KLHL2: variants seen among roughly 807,000 people sequenced by gnomAD.
The protein encoded by KLHL2 is kelch like family member 2, also known as kelch-like protein 2.
In KLHL2, 15 loss-of-function variants were observed where a neutral mutation model predicts 75.8. That is an observed-to-expected ratio of 0.20 (90% CI 0.13 to 0.30). KLHL2 has a LOEUF of 0.30. KLHL2 is among the 10% of genes least tolerant of loss of function. The pLI, the probability that KLHL2 is intolerant of heterozygous loss-of-function variation, is 1.00. For missense variants in KLHL2, 381 were observed against 741.0 expected (o/e 0.51, Z 5.64); for synonymous variants, 214 against 251.9 (o/e 0.85, Z 1.42).
At chr4:165,222,170 C>T (rs536848584) in intron 2 of KLHL2, among the ~76,000 whole-genome samples, 21 of 152,210 alleles carry the variant, frequency 1.4e-4, no homozygotes, top group Admixed American at 1.4e-3. Flanking sequence ...GGTGAATGAC[C>T]TGAGTTTTGG....
intron 6 of KLHL2, among the ~76,000 whole-genome samples, 161 bp from the exon 7 acceptor site, chr4:165,297,448 T>C (rs1745001326): frequency 6.6e-6 from 1 of 152,148 alleles, no homozygotes; most frequent in African/African-American, 2.4e-5. Flanking sequence ...TGAATGGCTT[T>C]GTAAGTACAT....
At chr4:165,247,725 G>A (rs1740378860) in intron 4 of KLHL2, among the ~76,000 whole-genome samples, 1 of 152,152 alleles carries the variant, frequency 6.6e-6, no homozygotes, top group Non-Finnish European at 1.5e-5. Flanking sequence ...TAAAGGCTGT[G>A]GCAAGTAATT....
chr4:165,286,666 G>C (rs145504864), intron 5 of KLHL2, among the ~76,000 whole-genome samples: 160 of 152,294 alleles, frequency 1.1e-3, no homozygotes, highest in African/African-American at 3.7e-3. Context: ...TGAGCCAGAG[G>C]CTATGCCATA....
chr4:165,311,638 C>T, intron 11 of KLHL2, 73 bp downstream of exon 11: 1 of 1,036,350 alleles, frequency 9.6e-7, no homozygotes, highest in Non-Finnish European at 1.5e-6. Flanking sequence ...GTAATCTCAA[C>T]TTTAGTTTTC....
chr4:165,311,133 A>G (rs1192494742), intron 10 of KLHL2, among the ~76,000 whole-genome samples: 1 of 152,128 alleles, frequency 6.6e-6, no homozygotes, highest in Non-Finnish European at 1.5e-5. Context: ...CTGGGATTAC[A>G]ACATGTGAGG....
chr4:165,303,497 C>CCCT (rs1553963736), intron 8 of KLHL2, among the ~76,000 whole-genome samples: 1 of 143,874 alleles, frequency 7.0e-6, no homozygotes, highest in African/African-American at 2.5e-5. Flanking sequence ...CAACCTTGCC[C>CCCT]CCCCCGCCGT....
chr4:165,295,622 G>A (rs953368209), intron 6 of KLHL2, among the ~76,000 whole-genome samples: 7 of 152,204 alleles, frequency 4.6e-5, no homozygotes, highest in Admixed American at 6.5e-5. Context: ...GATAGGTATG[G>A]GGATGGTAGT....
rs774421681 is a variant in KLHL2, at chr4:165,314,195, T to TA, written c.1609+30dup. 7.6e-6 allele frequency: 12 copies of TA among 1,583,904 alleles called. No individual in the cohort carries two copies. In the South Asian group the frequency reaches 1.2e-4, roughly 16 times the overall value. ...TCTGTCAGTTTAAGGTTATAAAACT[T>TA]ATGTTGAATTTTATTTTAAGTTTCA... is the stretch of plus-strand genomic sequence containing the variant. On this transcript the variant is annotated intron_variant, in intron 13 of 14. Coordinates refer to ENST00000226725, the MANE Select transcript of KLHL2 (RefSeq NM_007246.4).
chr4:165,302,783 T>G (rs545658354), intron 8 of KLHL2, among the ~76,000 whole-genome samples: 22 of 152,324 alleles, frequency 1.4e-4, no homozygotes, highest in African/African-American at 5.1e-4. Flanking sequence ...CAACTAATAT[T>G]TATTTAATAG....
chr4:165,255,971 CT>C (rs976378079), intron 4 of KLHL2, among the ~76,000 whole-genome samples: 4 of 152,006 alleles, frequency 2.6e-5, no homozygotes, highest in South Asian at 2.1e-4. Context: ...TTATTTCCCC[CT>C]ATGGAATAAA....
chr4:165,210,247 T>A, intron 1 of KLHL2: 3 of 1,408,062 alleles, frequency 2.1e-6, no homozygotes, highest in Non-Finnish European at 3.0e-6. Context: ...CCTGGCACTG[T>A]GCGTGGTGCT....
intron 3 of KLHL2, among the ~76,000 whole-genome samples, chr4:165,232,655 G>A (rs574051406): frequency 7.8e-4 from 118 of 152,054 alleles, no homozygotes; most frequent in African/African-American, 2.7e-3. Flanking sequence ...CAGGAGGATC[G>A]CTTGAGCCTA....
At chr4:165,285,689 G>T (rs1744035697) in intron 5 of KLHL2, among the ~76,000 whole-genome samples, 1 of 152,146 alleles carries the variant, frequency 6.6e-6, no homozygotes, top group Non-Finnish European at 1.5e-5. Context: ...TTACAGGCAT[G>T]AGCCGCCATG....
chr4:165,207,771 G>A lies in KLHL2; in HGVS notation c.-106G>A. 9.8e-7 allele frequency: 1 copy of A among 1,018,042 alleles called. No homozygotes were observed. The highest frequency in any genetic ancestry group is 1.8e-5 in the South Asian group (1 of 56,912). The allele number at this position is 1,018,042 out of a possible 1,614,324, so 63.1% of individuals were successfully genotyped here. On this transcript the variant is annotated 5_prime_UTR_variant, in exon 1 of 15. Coordinates refer to ENST00000226725, the MANE Select transcript of KLHL2 (RefSeq NM_007246.4). The surrounding 1 kb of genome is among the most constrained non-coding windows in gnomAD (Gnocchi z 4.2). ...AGGAGAGCGCGGCGCCCCCTCCGGG[G>A]CGGATGGAACGCGGCTCGGCGGGCG...
chr4:165,254,335 A>G (rs1373873776), intron 4 of KLHL2, among the ~76,000 whole-genome samples: 2 of 152,098 alleles, frequency 1.3e-5, no homozygotes, highest in East Asian at 1.9e-4. Flanking sequence ...GATTTATCAT[A>G]TTTTACTTAA....
intron 4 of KLHL2, among the ~76,000 whole-genome samples, chr4:165,254,405 A>G (rs1204045505): frequency 6.6e-6 from 1 of 152,226 alleles, no homozygotes; most frequent in Non-Finnish European, 1.5e-5. Flanking sequence ...AAGTAATGCT[A>G]AAGTAAAAGT....
chr4:165,215,745 A>G (rs1010865480), intron 1 of KLHL2, among the ~76,000 whole-genome samples: 37 of 152,268 alleles, frequency 2.4e-4, no homozygotes, highest in African/African-American at 8.7e-4. Context: ...TAAAAATACA[A>G]CATATTTTCT....
chr4:165,245,470 A>G (rs1306326902), intron 4 of KLHL2, among the ~76,000 whole-genome samples: 1 of 152,126 alleles, frequency 6.6e-6, no homozygotes, highest in East Asian at 1.9e-4. Flanking sequence ...GGGCTGGGCA[A>G]TTGTAATGAC....
intron 4 of KLHL2, among the ~76,000 whole-genome samples, chr4:165,250,617 C>A (rs1740626953): frequency 6.6e-6 from 1 of 152,192 alleles, no homozygotes; most frequent in African/African-American, 2.4e-5. Context: ...ATGAGGCCAA[C>A]AGTGCTTTGC....
Sources: allele counts gnomAD v4.1 joint callset (sites outside exome capture counted in the v4.1 genomes callset), GRCh38; gene constraint gnomAD v4.1.1; non-coding constraint Gnocchi (gnomAD v3.1); transcripts MANE v1.5; gene names NCBI Gene and HGNC (gene_info 2026-07-23, HGNC 2026-07-21).